VPS13B: variants seen among roughly 807,000 people sequenced by gnomAD.
The protein encoded by VPS13B is vacuolar protein sorting 13 homolog B.
A neutral mutation model predicts 426.4 loss-of-function variants in VPS13B; 285 were observed. That is an observed-to-expected ratio of 0.67 (90% confidence interval 0.61 to 0.74). The LOEUF (loss-of-function observed/expected upper bound fraction) is 0.74. Ranked by LOEUF, VPS13B falls within the 30% of genes least tolerant of loss-of-function variation. The probability of loss-of-function intolerance (pLI) is 0.00; values close to 1 mark genes in which losing one functional copy is unlikely to be tolerated. For synonymous variants in VPS13B, 1,676 were observed against 1,676.4 expected, an observed-to-expected ratio of 1.00 and a Z score of 0.01; for missense variants, 4,537 against 4,782.6, an observed-to-expected ratio of 0.95 and a Z score of 1.51.
At chr8:99,712,823 T>C (rs1210850817) in intron 36 of VPS13B, among the ~76,000 whole-genome samples, 1 of 152,064 alleles carries the variant, frequency 6.6e-6, no homozygotes, top group Non-Finnish European at 1.5e-5. Flanking sequence ...ATTTGTTTTC[T>C]AATAATTCAA....
rs145864367 is a variant in VPS13B at position 99,751,583 on chromosome 8, TATC to T, written c.7051-15188_7051-15186del. On this transcript the variant is annotated intron_variant, in intron 39 of 61. Coordinates refer to ENST00000357162, the MANE Select transcript of VPS13B (RefSeq NM_152564.5). Reference sequence around the variant, plus strand: ...GATCGTTGTATCCCTAGTTTACACTTATCATGGAAACATTTAATGAATATTTGA... The same window carrying T: ...GATCGTTGTATCCCTAGTTTACACTTATGGAAACATTTAATGAATATTTGA... Among the ~76,000 whole-genome samples, 746 of 152,314 alleles carry T rather than the reference TATC, an allele frequency of 4.9e-3. 5 individuals are homozygous for T. The highest frequency in any genetic ancestry group is 8.2e-3 in the Non-Finnish European group (559 of 68,030).
chr8:99,522,533 A>T (rs1822422594), intron 30 of VPS13B, among the ~76,000 whole-genome samples: 1 of 151,164 alleles, frequency 6.6e-6, no homozygotes, highest in Non-Finnish European at 1.5e-5. Context: ...CCTCTTAAAC[A>T]ATCTCTTTGC....
At chr8:99,737,281 C>T (rs568986899) in intron 39 of VPS13B, among the ~76,000 whole-genome samples, 13 of 151,410 alleles carry the variant, frequency 8.6e-5, no homozygotes, top group East Asian at 3.9e-4. Flanking sequence ...CCACCACGCC[C>T]GGCTAATTTT....
intron 3 of VPS13B, among the ~76,000 whole-genome samples, chr8:99,069,941 C>A (rs1284103470): frequency 3.9e-5 from 6 of 152,144 alleles, no homozygotes; most frequent in Admixed American, 3.3e-4. Context: ...CTTGCTCTGT[C>A]CACTCAGGCA....
intron 6 of VPS13B, among the ~76,000 whole-genome samples, chr8:99,112,790 A>G (rs1344928964): frequency 6.6e-6 from 1 of 152,164 alleles, no homozygotes; most frequent in Non-Finnish European, 1.5e-5. Flanking sequence ...CTATTCTAGG[A>G]TGTGGTTATA....
intron 21 of VPS13B, among the ~76,000 whole-genome samples, chr8:99,406,058 G>A (rs561157808): frequency 7.2e-5 from 11 of 151,982 alleles, no homozygotes; most frequent in African/African-American, 2.4e-4. Context: ...GATTACAGGC[G>A]TGAGCCACCA....
intron 23 of VPS13B, among the ~76,000 whole-genome samples, chr8:99,458,608 A>G (rs1179741475): frequency 6.6e-6 from 1 of 152,124 alleles, no homozygotes; most frequent in Non-Finnish European, 1.5e-5. Flanking sequence ...AATGATTGCC[A>G]TTCTAACTGG....
At chr8:99,313,829 C>A (rs1347992701) in intron 19 of VPS13B, among the ~76,000 whole-genome samples, 1 of 152,136 alleles carries the variant, frequency 6.6e-6, no homozygotes, top group Non-Finnish European at 1.5e-5. Flanking sequence ...GTTCAAGCTT[C>A]CTGGCCGCTT....
At chr8:99,413,961 A>G (rs1313685304) in intron 21 of VPS13B, among the ~76,000 whole-genome samples, 12 of 152,184 alleles carry the variant, frequency 7.9e-5, no homozygotes, top group Admixed American at 7.9e-4. Flanking sequence ...TCCAGAGCTG[A>G]GTTCAAGTCC....
At chr8:99,557,883 A>G (rs765476403) in intron 31 of VPS13B, among the ~76,000 whole-genome samples, 8 of 152,154 alleles carry the variant, frequency 5.3e-5, no homozygotes, top group South Asian at 2.1e-4. Context: ...ATATTGTAAA[A>G]CTAGAGGTCT....
At chr8:99,209,145 G>A (rs1403897726) in intron 17 of VPS13B, among the ~76,000 whole-genome samples, 1 of 152,000 alleles carries the variant, frequency 6.6e-6, no homozygotes, top group African/African-American at 2.4e-5. Context: ...TGAGTGTGGT[G>A]ACATGTGCCT....
intron 58 of VPS13B, among the ~76,000 whole-genome samples, chr8:99,867,488 G>C (rs1444173501): frequency 1.4e-4 from 21 of 152,192 alleles, no homozygotes; most frequent in Admixed American, 1.4e-3. Flanking sequence ...TCCAGTGAGA[G>C]AGAAAGGTTT....
intron 42 of VPS13B, 135 bp from the exon 43 acceptor site, chr8:99,784,180 A>T: frequency 9.3e-7 from 1 of 1,072,014 alleles, no homozygotes; most frequent in Non-Finnish European, 1.4e-6. Context: ...AGTATAGAAT[A>T]CTTTGTATAC....
rs745448720 is a variant in VPS13B at position 99,095,049 on chromosome 8, A to G, written c.292-1263A>G. Among the ~76,000 whole-genome samples the G allele has an allele frequency of 3.3e-5, 5 of 152,252 alleles. 1 individual carries two copies. Among genetic ancestry groups the G allele is most frequent in the African/African-American group, 4.8e-5 (2 of 41,556 alleles). On this transcript the variant is annotated intron_variant, in intron 3 of 61. Coordinates refer to ENST00000357162, the MANE Select transcript of VPS13B (RefSeq NM_152564.5). ...TACCTATTTTCTCTTCGTAATGCCT[A>G]TCTTCGTGAAAGAGCAATTTATTTT...
At chr8:99,318,633 C>T (rs1176956844) in intron 19 of VPS13B, among the ~76,000 whole-genome samples, 1 of 152,142 alleles carries the variant, frequency 6.6e-6, no homozygotes, top group Non-Finnish European at 1.5e-5. Context: ...GATTCTCCTG[C>T]CTCAGCCTCC....
chr8:99,618,566 A>T (rs915933913), intron 33 of VPS13B, among the ~76,000 whole-genome samples: 7 of 152,156 alleles, frequency 4.6e-5, no homozygotes, highest in African/African-American at 1.7e-4. Context: ...ATGATCTTTG[A>T]TGGAAATGTT....
At chr8:99,868,174 T>A in intron 58 of VPS13B, 115 bp from the exon 59 acceptor site, 1 of 1,325,368 alleles carries the variant, frequency 7.5e-7, no homozygotes, top group Non-Finnish European at 1.1e-6. Context: ...TAAAGACCTT[T>A]ATAATGAGGG....
intron 23 of VPS13B, among the ~76,000 whole-genome samples, chr8:99,451,717 T>TA (rs1475484701): frequency 1.3e-5 from 2 of 152,190 alleles, no homozygotes; most frequent in Middle Eastern, 3.2e-3. Context: ...TATGGAACTC[T>TA]ATCTCCGTAA....
chr8:99,368,893 C>T (rs1029125952), intron 19 of VPS13B, among the ~76,000 whole-genome samples: 3 of 152,164 alleles, frequency 2.0e-5, no homozygotes, highest in Non-Finnish European at 2.9e-5. Context: ...TATTTTTGCT[C>T]CATCCTTTCA....
Sources: allele counts gnomAD v4.1 joint callset (sites outside exome capture counted in the v4.1 genomes callset), GRCh38; gene constraint gnomAD v4.1.1; transcripts MANE v1.5; gene names NCBI Gene and HGNC (gene_info 2026-07-23, HGNC 2026-07-21).